The following SLC37A1 variants were observed in gnomAD, a reference collection of about 807,000 sequenced individuals.
SLC37A1 encodes solute carrier family 37 member 1, also known as glucose-6-phosphate exchanger SLC37A1.
SLC37A1 carries 49 observed loss-of-function variants against 75.3 expected under a neutral mutation model. The observed-to-expected ratio is 0.65, with a 90% confidence interval of 0.52 to 0.83. The LOEUF is 0.83. Ranked by LOEUF, SLC37A1 falls within the 40% of genes least tolerant of loss-of-function variation. The probability of loss-of-function intolerance (pLI) is 0.00; values close to 1 mark genes in which losing one functional copy is unlikely to be tolerated. For missense variants in SLC37A1, 566 were observed against 695.0 expected, an observed-to-expected ratio of 0.81 and a Z score of 2.09; for synonymous variants, 268 against 292.1, an observed-to-expected ratio of 0.92 and a Z score of 0.84.
At chr21:42,508,853 G>T (rs1458488134), upstream of SLC37A1, among the ~76,000 whole-genome samples, 2 of 152,182 alleles carry the variant, frequency 1.3e-5, no homozygotes, top group Non-Finnish European at 2.9e-5. Flanking sequence ...AAGAAAATTT[G>T]CCTATTTTAT....
At chr21:42,567,206 C>T (rs1018597707) in intron 16 of SLC37A1, 148 bp downstream of exon 16, 1 of 734,886 alleles carries the variant, frequency 1.4e-6, no homozygotes, top group East Asian at 2.7e-5. Flanking sequence ...TCCAGCCTTC[C>T]CGCACCTGCC....
rs2146691555 is a variant in SLC37A1, at chr21:42,514,069, C to A, written c.-827C>A. 6.7e-6 allele frequency: 1 copy of A among 149,744 alleles called. No individual in the cohort carries two copies. Among genetic ancestry groups the A allele is most frequent in the East Asian group, 2.0e-4 (1 of 4,948 alleles). The allele number at this position is 149,744 out of a possible 1,614,324, so 9.3% of individuals were successfully genotyped here. On this transcript the variant is annotated 5_prime_UTR_variant, in exon 1 of 20. Transcript: ENST00000352133. This position sits in a 1 kb window ranked among gnomAD's most constrained non-coding sequence, Gnocchi z 4.8. ...AGCCGGGCGCGGGGCCCTGCGCACT[C>A]GGAGCTCGGCTCCTCTCCTTCCTTT...
rs1389076438 is a variant in SLC37A1 at position 42,565,814 on chromosome 21, T to C, written c.1222-13T>C. On this transcript the variant is annotated splice_polypyrimidine_tract_variant and intron_variant, in intron 14 of 19. Transcript: ENST00000352133. ...CCAGCCATGGCTTTGACCTTGTGTC[T>C]TGATGTCCACAGCTCTACATCTTCT... The C allele has an allele frequency of 6.2e-7, 1 of 1,613,596 alleles. No homozygotes were observed. Among genetic ancestry groups the C allele is most frequent in the Admixed American group, 1.7e-5 (1 of 60,010 alleles).
chr21:42,564,813 C>T lies in SLC37A1; in HGVS notation c.1221+20C>T, dbSNP rs2055933168. 1.2e-6 allele frequency: 2 copies of T among 1,600,184 alleles called. No individual in the cohort carries two copies. Among genetic ancestry groups the T allele is most frequent in the Non-Finnish European group, 1.7e-6 (2 of 1,178,540 alleles). ...CCCACGGTCAGCCGTGCTGCCTTCC[C>T]TGGGCCCCAAAGCCTGCAGACAGTC... On this transcript the variant is annotated intron_variant, in intron 14 of 19. Transcript: ENST00000352133.
intron 17 of SLC37A1, among the ~76,000 whole-genome samples, chr21:42,571,665 C>A (rs1451995484): frequency 6.6e-6 from 1 of 152,110 alleles, no homozygotes; most frequent in Non-Finnish European, 1.5e-5. Context: ...ACCTGGCTCC[C>A]TTCCACCCCG....
intron 2 of SLC37A1, among the ~76,000 whole-genome samples, chr21:42,523,015 C>G (rs970270834): frequency 1.3e-5 from 2 of 152,358 alleles, no homozygotes; most frequent in Admixed American, 1.3e-4. Flanking sequence ...GTGTCGGGGC[C>G]TCAGCACTCT....
chr21:42,509,068 T>C (rs1205476357), upstream of SLC37A1, among the ~76,000 whole-genome samples: 1 of 152,198 alleles, frequency 6.6e-6, no homozygotes, highest in Admixed American at 6.5e-5. This position sits in a 1 kb window ranked among gnomAD's most constrained non-coding sequence, Gnocchi z 4.2. Flanking sequence ...GCCAATAGTT[T>C]TAAAATCAAA....
Position 42,567,023 on chromosome 21 carries a change from T to G in SLC37A1, c.1309T>G (p.Tyr437Asp). Reference protein sequence around the residue: ...LLSGALVSGPYTLITTAVSAD... With the variant: ...LLSGALVSGPDTLITTAVSAD... The stretch of plus-strand genomic sequence containing the variant: ...CAGCGGAGCCCTGGTCAGTGGGCCC[T>G]ACACACTCATCACCACCGCCGTCTC... Residue 437 changes from tyrosine (Y) to aspartate (D), a missense_variant, in exon 16 of 20, where the codon TAC becomes GAC. Transcript: ENST00000352133. 3.1e-6 allele frequency: 5 copies of G among 1,609,160 alleles called. No homozygotes were observed. The highest frequency in any genetic ancestry group is 3.4e-6 in the Non-Finnish European group (4 of 1,179,938).
At chr21:42,579,103 G>A (rs1233911353) in intron 18 of SLC37A1, among the ~76,000 whole-genome samples, 1 of 152,264 alleles carries the variant, frequency 6.6e-6, no homozygotes, top group Non-Finnish European at 1.5e-5. Context: ...TTGTAGGCTG[G>A]CGTTGAGCCC....
At chr21:42,550,838 G>T (rs2055538868) in intron 9 of SLC37A1, among the ~76,000 whole-genome samples, 1 of 152,228 alleles carries the variant, frequency 6.6e-6, no homozygotes, top group South Asian at 2.1e-4. Context: ...GATCATCTCA[G>T]TAGAAGCAGG....
chr21:42,569,095 G>A (rs2056056533), intron 17 of SLC37A1, among the ~76,000 whole-genome samples: 1 of 152,222 alleles, frequency 6.6e-6, no homozygotes, highest in Non-Finnish European at 1.5e-5. Flanking sequence ...ACGTTATGGG[G>A]GGCTGCCTGG....
intron 10 of SLC37A1, among the ~76,000 whole-genome samples, chr21:42,558,582 G>A (rs1430747870): frequency 5.9e-5 from 9 of 152,124 alleles, no homozygotes; most frequent in Non-Finnish European, 1.2e-4. Flanking sequence ...AGCATTTTCC[G>A]TCATTAAAAT....
intron 8 of SLC37A1, among the ~76,000 whole-genome samples, chr21:42,544,390 A>G (rs2055356654): frequency 6.6e-6 from 1 of 152,230 alleles, no homozygotes; most frequent in Non-Finnish European, 1.5e-5. Context: ...TGCATGCAAA[A>G]GTTCATCCAT....
chr21:42,537,746 T>C (rs966920064), intron 5 of SLC37A1, among the ~76,000 whole-genome samples: 4 of 152,352 alleles, frequency 2.6e-5, no homozygotes, highest in Middle Eastern at 3.4e-3. Context: ...ATAATTCTTA[T>C]GCAACTTGTC....
chr21:42,530,150 C>A (rs2054909999), intron 3 of SLC37A1, among the ~76,000 whole-genome samples: 1 of 152,212 alleles, frequency 6.6e-6, no homozygotes, highest in South Asian at 2.1e-4. Context: ...TAAAAGAATT[C>A]ATCACAGGCA....
chr21:42,562,212 G>A lies in SLC37A1; in HGVS notation c.1072+44G>A, dbSNP rs765441358. Reference sequence around the variant, plus strand: ...ACACATTAAATTCCGCACAGTGACTGGGGTCCGAAGTCTCTTCTGTCTGCT... The same window carrying A: ...ACACATTAAATTCCGCACAGTGACTAGGGTCCGAAGTCTCTTCTGTCTGCT... On this transcript the variant is annotated intron_variant, in intron 12 of 19. Coordinates refer to ENST00000352133, the MANE Select transcript of SLC37A1 (RefSeq NM_001320537.2). 4 of 1,547,114 alleles carry A rather than the reference G, an allele frequency of 2.6e-6. No individual in the cohort carries two copies. The South Asian group carries it at 3.3e-5, about 13-fold the overall frequency.
chr21:42,554,228 C>A, intron 10 of SLC37A1, 86 bp downstream of exon 10: 1 of 1,142,020 alleles, frequency 8.8e-7, no homozygotes, highest in Non-Finnish European at 1.3e-6. Flanking sequence ...GTCCCTCTGC[C>A]TATGTGACAT....
chr21:42,543,479 G>A lies in SLC37A1; in HGVS notation c.607G>A (p.Gly203Ser). The A allele has an allele frequency of 1.2e-6, 2 of 1,614,208 alleles. No individual in the cohort carries two copies. The highest frequency in any genetic ancestry group is 1.7e-6 in the Non-Finnish European group (2 of 1,180,024). Residue 203 changes from glycine to serine, a missense_variant, in exon 8 of 20, where the codon GGC becomes AGC. Transcript: ENST00000352133. ...MGVWNSHTSVGNILGSLIAGY... is the reference protein window; with the variant it reads ...MGVWNSHTSVSNILGSLIAGY... Reference sequence around the variant, plus strand: ...GGTCTGGAACTCCCACACCTCCGTGGGCAACATCTTGGGGTCATTGATCGC... The same window carrying A: ...GGTCTGGAACTCCCACACCTCCGTGAGCAACATCTTGGGGTCATTGATCGC...
intron 12 of SLC37A1, among the ~76,000 whole-genome samples, chr21:42,563,481 T>TGGTC (rs200111633): frequency 6.6e-6 from 1 of 152,198 alleles, no homozygotes; most frequent in Non-Finnish European, 1.5e-5. Flanking sequence ...TAAAGCCGTG[T>TGGTC]GACAGGATGA....
Sources: allele counts gnomAD v4.1 joint callset (sites outside exome capture counted in the v4.1 genomes callset), GRCh38; gene constraint gnomAD v4.1.1; non-coding constraint Gnocchi (gnomAD v3.1); transcripts MANE v1.5; gene names NCBI Gene and HGNC (gene_info 2026-07-23, HGNC 2026-07-21).